The following THSD7B variants were observed in gnomAD, a reference collection of about 807,000 sequenced individuals.
The protein encoded by THSD7B is thrombospondin type 1 domain containing 7B, also known as thrombospondin type-1 domain-containing protein 7B.
In THSD7B, 138 loss-of-function variants were observed where a neutral mutation model predicts 213.6. That is an observed-to-expected ratio of 0.65 (90% CI 0.56 to 0.74). The LOEUF (loss-of-function observed/expected upper bound fraction) is 0.74. Ranked by LOEUF, THSD7B falls within the 30% of genes least tolerant of loss-of-function variation. The pLI is 0.00. For synonymous variants in THSD7B, 742 were observed against 687.0 expected, an observed-to-expected ratio of 1.08 and a Z score of -1.25; for missense variants, 1,931 against 1,991.5, an observed-to-expected ratio of 0.97 and a Z score of 0.58.
chr2:136,929,797 T>G (rs1395346914), intron 2 of THSD7B, among the ~76,000 whole-genome samples: 1 of 152,182 alleles, frequency 6.6e-6, no homozygotes, highest in Non-Finnish European at 1.5e-5. Flanking sequence ...ATGAAGCTGT[T>G]GTAAACATGT....
chr2:136,880,931 C>A (rs940277269), intron 1 of THSD7B, among the ~76,000 whole-genome samples: 1 of 152,130 alleles, frequency 6.6e-6, no homozygotes, highest in African/African-American at 2.4e-5. Context: ...CCCTCATATG[C>A]CATTCACAGC....
chr2:137,662,223 C>T (rs370596670), intron 25 of THSD7B, among the ~76,000 whole-genome samples: 2,270 of 144,590 alleles, frequency 0.016, 67 homozygotes, highest in African/African-American at 0.055. Context: ...CCACGACGCC[C>T]GGCTAATTTT....
intron 14 of THSD7B, among the ~76,000 whole-genome samples, chr2:137,433,642 C>T (rs900218385): frequency 6.6e-6 from 1 of 152,184 alleles, no homozygotes; most frequent in Non-Finnish European, 1.5e-5. Flanking sequence ...GCATGAGCCT[C>T]CGTGCCCCAC....
chr2:137,211,011 A>G (rs1681090950), intron 7 of THSD7B, among the ~76,000 whole-genome samples: 1 of 152,004 alleles, frequency 6.6e-6, no homozygotes, highest in Non-Finnish European at 1.5e-5. Flanking sequence ...TGATTGCAGG[A>G]ACATTAACTA....
chr2:137,387,883 A>G (rs963385899), intron 12 of THSD7B, among the ~76,000 whole-genome samples: 3 of 152,294 alleles, frequency 2.0e-5, no homozygotes, highest in African/African-American at 4.8e-5. Context: ...TATGAAAACT[A>G]TAATATTGTG....
chr2:137,566,303 T>C (rs1681238211), intron 16 of THSD7B, among the ~76,000 whole-genome samples: 1 of 152,228 alleles, frequency 6.6e-6, no homozygotes, highest in Non-Finnish European at 1.5e-5. Flanking sequence ...TTTGCTCACA[T>C]GCAGTGGAAA....
At chr2:137,378,771 C>G (rs1252953383) in intron 12 of THSD7B, among the ~76,000 whole-genome samples, 1 of 152,110 alleles carries the variant, frequency 6.6e-6, no homozygotes, top group Non-Finnish European at 1.5e-5. Flanking sequence ...CAGAGCTGGT[C>G]CTAATTATTT....
At chr2:137,624,678 A>G (rs1378029282) in intron 20 of THSD7B, among the ~76,000 whole-genome samples, 1 of 152,246 alleles carries the variant, frequency 6.6e-6, no homozygotes, top group Non-Finnish European at 1.5e-5. Context: ...ATGAACAGAC[A>G]CTTCTCAAAA....
chr2:136,863,700 T>TTCC (rs1313555962), intron 1 of THSD7B, among the ~76,000 whole-genome samples: 4 of 152,052 alleles, frequency 2.6e-5, no homozygotes, highest in African/African-American at 9.7e-5. Flanking sequence ...AGGAAGAGGG[T>TTCC]TCCAGCCACA....
intron 17 of THSD7B, among the ~76,000 whole-genome samples, chr2:137,613,686 G>A (rs995664088): frequency 6.6e-6 from 1 of 152,092 alleles, no homozygotes; most frequent in African/African-American, 2.4e-5. Flanking sequence ...GCAGGAAATT[G>A]ACAATATGTC....
intron 12 of THSD7B, among the ~76,000 whole-genome samples, chr2:137,311,970 T>A (rs2104862878): frequency 6.8e-6 from 1 of 146,650 alleles, no homozygotes; most frequent in East Asian, 2.0e-4. Flanking sequence ...AAATTCTCTT[T>A]TTTGGTTGTG....
At chr2:136,791,778 T>C (rs1681968782) in intron 1 of THSD7B, among the ~76,000 whole-genome samples, 1 of 152,122 alleles carries the variant, frequency 6.6e-6, no homozygotes, top group Non-Finnish European at 1.5e-5. Context: ...CACCACGTTT[T>C]ATTTGTCAGT....
At chr2:137,453,408 C>T (rs1687693952) in intron 15 of THSD7B, among the ~76,000 whole-genome samples, 1 of 138,022 alleles carries the variant, frequency 7.2e-6, no homozygotes, top group African/African-American at 2.7e-5. Flanking sequence ...CGGCTCACTG[C>T]AAGCTCTGCC....
intron 2 of THSD7B, among the ~76,000 whole-genome samples, chr2:136,968,918 C>G (rs950620202): frequency 6.6e-6 from 1 of 152,006 alleles, no homozygotes; most frequent in Admixed American, 6.6e-5. Flanking sequence ...GCATGTTTCC[C>G]AGTACACAGT....
intron 14 of THSD7B, among the ~76,000 whole-genome samples, chr2:137,430,481 A>G (rs1038235985): frequency 1.1e-4 from 17 of 152,256 alleles, no homozygotes; most frequent in African/African-American, 3.1e-4. Context: ...CATTTACCCA[A>G]CAATGTTTCT....
chr2:136,810,216 T>G (rs950235588), intron 1 of THSD7B, among the ~76,000 whole-genome samples: 1 of 152,182 alleles, frequency 6.6e-6, no homozygotes, highest in Non-Finnish European at 1.5e-5. Context: ...TGGAAAGTAG[T>G]GCAGCCACAG....
At chr2:137,112,283 T>A (rs543572038) in intron 4 of THSD7B, among the ~76,000 whole-genome samples, 27 of 152,094 alleles carry the variant, frequency 1.8e-4, no homozygotes, top group African/African-American at 6.3e-4. Context: ...CCCATATTTT[T>A]AAAAAAAGGA....
intron 2 of THSD7B, among the ~76,000 whole-genome samples, chr2:136,916,760 C>T (rs945211704): frequency 1.3e-5 from 2 of 152,150 alleles, no homozygotes; most frequent in African/African-American, 4.8e-5. Context: ...ACTAAGTTGC[C>T]ATAGCACCTG....
At chr2:137,643,525 A>T (rs561342863) in intron 21 of THSD7B, among the ~76,000 whole-genome samples, 1 of 152,344 alleles carries the variant, frequency 6.6e-6, no homozygotes, top group East Asian at 1.9e-4. Flanking sequence ...TTTAGAGAAA[A>T]TAAGATAACC....
Sources: allele counts gnomAD v4.1 joint callset (sites outside exome capture counted in the v4.1 genomes callset), GRCh38; gene constraint gnomAD v4.1.1; transcripts MANE v1.5; gene names NCBI Gene and HGNC (gene_info 2026-07-23, HGNC 2026-07-21).